GATAD2B: variants seen among roughly 807,000 people sequenced by gnomAD.
GATAD2B encodes the protein GATA zinc finger domain containing 2B.
Under a neutral mutation model 64.3 loss-of-function variants are expected in GATAD2B, and 8 were observed. The observed-to-expected ratio is 0.12, with a 90% CI of 0.07 to 0.22. The LOEUF (loss-of-function observed/expected upper bound fraction) is 0.22, where lower values mean the gene tolerates loss of function less well. GATAD2B is among the 10% of genes least tolerant of loss of function. GATAD2B has a pLI of 1.00. For synonymous variants in GATAD2B, 281 were observed against 271.3 expected (o/e 1.04, Z -0.35); for missense variants, 453 against 752.0 (o/e 0.60, Z 4.65).
At chr1:153,905,233 G>A (rs907596598) in intron 1 of GATAD2B, among the ~76,000 whole-genome samples, 7 of 151,964 alleles carry the variant, frequency 4.6e-5, no homozygotes, top group Non-Finnish European at 8.8e-5. Context: ...CAATTAGCCG[G>A]GCGTGGTGGC....
intron 1 of GATAD2B, among the ~76,000 whole-genome samples, chr1:153,877,072 TGCCTATAATCCCA>T (rs1412989711): frequency 6.6e-6 from 1 of 152,042 alleles, no homozygotes; most frequent in East Asian, 1.9e-4. Flanking sequence ...CATTGGCCCA[TGCCTATAATCCCA>T]GCACTTTGGG....
intron 1 of GATAD2B, among the ~76,000 whole-genome samples, chr1:153,837,250 G>A (rs1675298311): frequency 1.3e-5 from 2 of 152,136 alleles, no homozygotes; most frequent in African/African-American, 4.8e-5. Flanking sequence ...AGCTACTTGG[G>A]AGGCTGGTGT....
chr1:153,917,254 T>C (rs370877461), intron 1 of GATAD2B, among the ~76,000 whole-genome samples: 4 of 146,706 alleles, frequency 2.7e-5, no homozygotes, highest in Non-Finnish European at 6.0e-5. Flanking sequence ...ACTGCCACCA[T>C]GTCTGGCTAA....
chr1:153,825,889 G>C (rs1219342370), intron 2 of GATAD2B, among the ~76,000 whole-genome samples: 1 of 152,160 alleles, frequency 6.6e-6, no homozygotes, highest in Non-Finnish European at 1.5e-5. Context: ...CAGCTTCTTA[G>C]AGATTCTGCT....
At chr1:153,862,915 G>C (rs979741223) in intron 1 of GATAD2B, among the ~76,000 whole-genome samples, 5 of 150,626 alleles carry the variant, frequency 3.3e-5, no homozygotes, top group Admixed American at 6.6e-5. Flanking sequence ...GTAGAGACAG[G>C]GTTTCTTCAT....
At chr1:153,859,024 G>A (rs1676182168) in intron 1 of GATAD2B, among the ~76,000 whole-genome samples, 1 of 152,096 alleles carries the variant, frequency 6.6e-6, no homozygotes, top group Non-Finnish European at 1.5e-5. Context: ...CATTTAGCCT[G>A]TGCAAGCAAC....
chr1:153,849,612 CAA>C (rs1348911969), intron 1 of GATAD2B, among the ~76,000 whole-genome samples: 1 of 152,106 alleles, frequency 6.6e-6, no homozygotes, highest in Non-Finnish European at 1.5e-5. Context: ...CATTACCTTC[CAA>C]ATATATTTTA....
intron 1 of GATAD2B, among the ~76,000 whole-genome samples, chr1:153,885,503 T>C (rs1017241572): frequency 2.6e-5 from 4 of 151,862 alleles, no homozygotes; most frequent in Admixed American, 6.6e-5. Context: ...AGGTGGATCA[T>C]CTGAGGTTAG....
chr1:153,905,248 G>A (rs11577942), intron 1 of GATAD2B, among the ~76,000 whole-genome samples: 40,969 of 151,728 alleles, frequency 0.27, 6,094 homozygotes, highest in Admixed American at 0.38. Context: ...GGTGGCAGGC[G>A]CCCTGTAGTC....
intron 1 of GATAD2B, among the ~76,000 whole-genome samples, chr1:153,897,336 CA>C (rs984822065): frequency 6.6e-6 from 1 of 152,022 alleles, no homozygotes; most frequent in Non-Finnish European, 1.5e-5. Flanking sequence ...GCCAAAACAC[CA>C]AAACACCTGT....
rs539517675 is a variant in GATAD2B, at chr1:153,846,390, T to G, written c.-1-18042A>C. Among the ~76,000 whole-genome samples the G allele has an allele frequency of 2.0e-5, 3 of 151,788 alleles. No individual in the cohort carries two copies. The South Asian group carries it at 6.3e-4, about 32-fold the overall frequency. On this transcript the variant is annotated intron_variant, in intron 1 of 10. Transcript: ENST00000368655. ...TGGGATTACAGGTGTGTGCCACCAG[T>G]GCCCAGCTAATCTTTTTGTATTTTT...
intron 1 of GATAD2B, among the ~76,000 whole-genome samples, chr1:153,876,855 T>C (rs569139085): frequency 1.4e-4 from 21 of 151,852 alleles, no homozygotes; most frequent in Non-Finnish European, 2.6e-4. Flanking sequence ...ATACAAAAAT[T>C]AGCTGGGCAT....
chr1:153,912,015 C>T (rs1048989761), intron 1 of GATAD2B, among the ~76,000 whole-genome samples: 4 of 152,058 alleles, frequency 2.6e-5, no homozygotes, highest in Admixed American at 6.6e-5. Context: ...CAAGTATTCG[C>T]GGAGCCAGAA....
intron 1 of GATAD2B, among the ~76,000 whole-genome samples, chr1:153,909,050 T>C (rs983730406): frequency 1.3e-5 from 2 of 151,920 alleles, no homozygotes; most frequent in Non-Finnish European, 2.9e-5. Flanking sequence ...AAATTTATTT[T>C]AAAAATTAGC....
intron 1 of GATAD2B, among the ~76,000 whole-genome samples, chr1:153,833,978 C>T (rs75073697): frequency 1.3e-4 from 20 of 149,860 alleles, no homozygotes; most frequent in Non-Finnish European, 2.1e-4. Context: ...GTCTCTCTCT[C>T]TTTTTTTTTA....
At chr1:153,838,502 C>A (rs543513191) in intron 1 of GATAD2B, among the ~76,000 whole-genome samples, 1 of 152,084 alleles carries the variant, frequency 6.6e-6, no homozygotes, top group South Asian at 2.1e-4. Flanking sequence ...ACGCGCCCTG[C>A]CTCTTTTTTT....
chr1:153,817,346 C>T lies in GATAD2B; in HGVS notation c.900+26G>A, dbSNP rs768435976. The T allele has an allele frequency of 1.8e-5, 27 of 1,485,308 alleles. No individual in the cohort carries two copies. In the Admixed American group the frequency reaches 6.6e-4, roughly 36 times the overall value. The allele number at this position is 1,485,308 out of a possible 1,614,324, so 92.0% of individuals were successfully genotyped here. On this transcript the variant is annotated intron_variant, in intron 6 of 10. Transcript: ENST00000368655. ...GCAAACAAAGGGATTTCTCTGTTTC[C>T]ACATTAGGGCTCAGCTCTCTCTTAC...
At chr1:153,842,946 C>T (rs1406113827) in intron 1 of GATAD2B, among the ~76,000 whole-genome samples, 2 of 145,604 alleles carry the variant, frequency 1.4e-5, no homozygotes, top group Admixed American at 7.2e-5. Flanking sequence ...TGAGCCACCT[C>T]GCCCAGCCTT....
intron 1 of GATAD2B, among the ~76,000 whole-genome samples, chr1:153,905,593 T>C (rs537241812): frequency 7.2e-6 from 1 of 139,262 alleles, no homozygotes; most frequent in South Asian, 2.4e-4. Flanking sequence ...GTCAGACGAC[T>C]CATTCTTCCT....
Sources: gnomAD v4.1 joint callset for allele counts (sites outside exome capture counted in the v4.1 genomes callset) on GRCh38, gnomAD v4.1.1 for gene constraint, MANE v1.5 for transcripts, NCBI Gene and HGNC (gene_info 2026-07-23, HGNC 2026-07-21) for gene names.